Variants in FAM20A observed in about 807,000 individuals in gnomAD.
FAM20A encodes FAM20A golgi associated secretory pathway pseudokinase.
FAM20A carries 42 observed loss-of-function variants against 52.0 expected under a neutral mutation model. That is an observed-to-expected ratio of 0.81 (90% confidence interval 0.63 to 1.04). The LOEUF (loss-of-function observed/expected upper bound fraction) is 1.04. Ranked by LOEUF, FAM20A falls within the 50% of genes least tolerant of loss-of-function variation. The probability of loss-of-function intolerance (pLI) is 0.00; values close to 1 mark genes in which losing one functional copy is unlikely to be tolerated. For missense variants in FAM20A, 742 were observed against 712.7 expected (o/e 1.04, Z -0.47); for synonymous variants, 304 against 298.9 (o/e 1.02, Z -0.18).
chr17:68,562,914 C>T (rs1202738857), intron 1 of FAM20A, among the ~76,000 whole-genome samples: 1 of 152,170 alleles, frequency 6.6e-6, no homozygotes, highest in Non-Finnish European at 1.5e-5. Context: ...GAAAGCCTGC[C>T]TGGTATTGCC....
chr17:68,584,019 G>A (rs2088091305), intron 1 of FAM20A, among the ~76,000 whole-genome samples: 1 of 151,960 alleles, frequency 6.6e-6, no homozygotes, highest in African/African-American at 2.4e-5. Context: ...TTCAACCCTT[G>A]AAGAGTTTAA....
rs560962237 is a variant in FAM20A, at chr17:68,594,077, TA to T, written c.404+6185del. On this transcript the variant is annotated intron_variant, in intron 1 of 10. Coordinates refer to ENST00000592554, the MANE Select transcript of FAM20A (RefSeq NM_017565.4). ...TAGCTGCCTGACTTTGGGCAGGTTA[TA>T]TAACTTTCTCGTTTCCAGTTTCCTC... Among the ~76,000 whole-genome samples, 940 of 152,352 alleles carry T rather than the reference TA, an allele frequency of 6.2e-3. 6 individuals carry two copies. Among genetic ancestry groups the T allele is most frequent in the African/African-American group, 0.021 (879 of 41,582 alleles).
intron 5 of FAM20A, among the ~76,000 whole-genome samples, chr17:68,543,159 C>T (rs2086385927): frequency 6.6e-6 from 1 of 152,112 alleles, no homozygotes; most frequent in Non-Finnish European, 1.5e-5. Flanking sequence ...TTGAGTGGTT[C>T]TAGGGTGGGG....
rs557752443 is a variant in FAM20A at position 68,594,178 on chromosome 17, G to A, written c.404+6085C>T. On this transcript the variant is annotated intron_variant, in intron 1 of 10. Transcript: ENST00000592554. ...TGTAATCCCAGCACTTTGGGAGGCC[G>A]AGGCGGGCGGATCACGAGGTCAGGA... 1.9e-4 allele frequency among the ~76,000 whole-genome samples: 29 copies of A among 152,306 alleles called. No homozygotes were observed. The East Asian group carries it at 5.4e-3, about 28-fold the overall frequency.
intron 1 of FAM20A, among the ~76,000 whole-genome samples, chr17:68,576,889 G>A (rs766324452): frequency 1.3e-5 from 2 of 152,184 alleles, no homozygotes; most frequent in Non-Finnish European, 2.9e-5. Flanking sequence ...GGCCAGGAGG[G>A]ACATTCTAGG....
At position 68,540,883 on chromosome 17, in the gene FAM20A, A is replaced by G. The variant is rs1478437398; in HGVS notation, c.1185T>C (p.Asn395=). 2.5e-6 allele frequency: 4 copies of G among 1,605,086 alleles called. No individual in the cohort carries two copies. Among genetic ancestry groups the G allele is most frequent in the Non-Finnish European group, 8.5e-7 (1 of 1,175,894 alleles). Residue 395 remains asparagine (N), a synonymous_variant, in exon 8 of 11, where the codon AAT becomes AAC. Transcript: ENST00000592554. ...YPYNNSQRLL[N]VIDMAIFDFL... ...AGTCGAAGATGGCCATGTCGATGAC[A>G]TTGAGGAGCCGCTGGCTGTTGTTGT...
intron 1 of FAM20A, among the ~76,000 whole-genome samples, chr17:68,558,878 C>A (rs553794466): frequency 6.6e-6 from 1 of 152,274 alleles, no homozygotes; most frequent in African/African-American, 2.4e-5. Flanking sequence ...CCTGCCTCAG[C>A]CTTCTGAGTA....
chr17:68,544,822 A>G (rs2086473046), intron 4 of FAM20A, among the ~76,000 whole-genome samples: 1 of 152,224 alleles, frequency 6.6e-6, no homozygotes, highest in Non-Finnish European at 1.5e-5. Flanking sequence ...TCCCATCTGT[A>G]GGAACATATC....
At chr17:68,575,421 ATATATAT>A (rs2087700630) in intron 1 of FAM20A, among the ~76,000 whole-genome samples, 1 of 104,124 alleles carries the variant, frequency 9.6e-6, no homozygotes, top group Non-Finnish European at 2.0e-5. Context: ...TCTTCACTTT[ATATATAT>A]TATATATTTT....
chr17:68,568,834 G>A (rs780268324), intron 1 of FAM20A, among the ~76,000 whole-genome samples: 29 of 151,212 alleles, frequency 1.9e-4, no homozygotes, highest in East Asian at 1.9e-4. Flanking sequence ...AATCATATGG[G>A]CAAAGGCCCT....
At chr17:68,579,704 G>A (rs777951618) in intron 1 of FAM20A, among the ~76,000 whole-genome samples, 14 of 152,268 alleles carry the variant, frequency 9.2e-5, no homozygotes, top group Non-Finnish European at 1.9e-4. Context: ...TCCACACACT[G>A]ACTCAGGGAC....
intron 7 of FAM20A, 103 bp from the exon 8 acceptor site, chr17:68,541,061 C>T: frequency 6.6e-7 from 1 of 1,525,866 alleles, no homozygotes. Flanking sequence ...CCTCCCTGAT[C>T]CTGCCCTGGG....
intron 4 of FAM20A, chr17:68,551,087 A>G: frequency 8.1e-7 from 1 of 1,234,248 alleles, no homozygotes. Flanking sequence ...TCTGCAGGTC[A>G]CCTCATCATC....
chr17:68,599,878 C>T (rs1035817513), intron 1 of FAM20A, among the ~76,000 whole-genome samples: 4 of 152,168 alleles, frequency 2.6e-5, no homozygotes, highest in African/African-American at 7.2e-5. Flanking sequence ...TCTGGAAACC[C>T]GAAGTCCAGC....
rs756555547 is a variant in FAM20A, at chr17:68,600,386, G to A, written c.281C>T (p.Ala94Val). ...GTTGTACAGCGGGTGGGCGAAGAGG[G>A]CCTGCAACTTGGAGCTCGACCCGCT... ...SHSGSSSKLQ[A>V]LFAHPLYNVP... The change falls in exon 1 of 11, where the codon GCC becomes GTC. Residue 94 changes from alanine to valine, a missense_variant. By Grantham distance (64) the Ala-to-Val change is moderately conservative. Transcript: ENST00000592554. This position sits in a 1 kb window ranked among gnomAD's most constrained non-coding sequence, Gnocchi z 6.2. 6.2e-7 allele frequency: 1 copy of A among 1,608,176 alleles called. No individual in the cohort carries two copies. Among genetic ancestry groups the A allele is most frequent in the East Asian group, 2.2e-5 (1 of 44,582 alleles).
At chr17:68,542,872 G>C in intron 5 of FAM20A, 63 bp from the exon 6 acceptor site, 1 of 1,312,624 alleles carries the variant, frequency 7.6e-7, no homozygotes, top group African/African-American at 1.4e-5. Context: ...GAGGGGTTTT[G>C]TCCCCCGGCC....
At chr17:68,562,580 C>T (rs1449944956) in intron 1 of FAM20A, among the ~76,000 whole-genome samples, 1 of 152,032 alleles carries the variant, frequency 6.6e-6, no homozygotes, top group Non-Finnish European at 1.5e-5. Context: ...CTCATTCCTC[C>T]ATGTGTCTCC....
intron 3 of FAM20A, among the ~76,000 whole-genome samples, chr17:68,552,667 T>A (rs1042335154): frequency 2.8e-5 from 1 of 35,920 alleles, no homozygotes; most frequent in Non-Finnish European, 6.7e-5. Context: ...TTTATTTTCC[T>A]TTTTTTTTTT....
intron 1 of FAM20A, among the ~76,000 whole-genome samples, chr17:68,583,034 C>T (rs929273628): frequency 2.0e-5 from 3 of 151,656 alleles, no homozygotes; most frequent in Admixed American, 6.6e-5. Flanking sequence ...TCTTGAACTC[C>T]TGACCTCGTG....
Sources: gnomAD v4.1 joint callset for allele counts (sites outside exome capture counted in the v4.1 genomes callset) on GRCh38, gnomAD v4.1.1 for gene constraint, Gnocchi (gnomAD v3.1) non-coding constraint, MANE v1.5 for transcripts, NCBI Gene and HGNC (gene_info 2026-07-23, HGNC 2026-07-21) for gene names.